Variants in DLGAP2 observed in about 807,000 individuals in gnomAD.
DLGAP2 encodes the protein disks large-associated protein 2.
Under a neutral mutation model 100.3 loss-of-function variants are expected in DLGAP2, and 26 were observed. The observed-to-expected ratio is 0.26, with a 90% confidence interval of 0.19 to 0.36. The LOEUF is 0.36. Among genes scored for constraint, DLGAP2 ranks in the 10% least tolerant of loss-of-function variants. DLGAP2 has a pLI of 1.00. For missense variants in DLGAP2, 1,858 were observed against 1,453.2 expected (o/e 1.28, Z -4.53); for synonymous variants, 886 against 630.1 (o/e 1.41, Z -6.08).
Position 1,707,952 on chromosome 8 carries a change from C to A in DLGAP2, c.*6546C>A, listed in dbSNP as rs1049539864. On this transcript the variant is annotated 3_prime_UTR_variant, in exon 15 of 15. Transcript: ENST00000637795. Reference sequence around the variant, plus strand: ...ATTCTATTTAGTAGCATGCAGGATACCTAATCTGAATGTGCAATATGCTAT... The same window carrying A: ...ATTCTATTTAGTAGCATGCAGGATAACTAATCTGAATGTGCAATATGCTAT... 2.0e-5 allele frequency: 3 copies of A among 152,558 alleles called. No individual in the cohort carries two copies. Among genetic ancestry groups the A allele is most frequent in the African/African-American group, 2.4e-5 (1 of 41,440 alleles). 9.5% of individuals were successfully genotyped at this position (152,558 alleles called of 1,614,324 possible). A position where few individuals can be genotyped will look rare whatever the true frequency, so the allele number is the denominator to read the frequency against.
chr8:1,508,229 T>G (rs1484494533), intron 4 of DLGAP2, among the ~76,000 whole-genome samples: 1 of 150,272 alleles, frequency 6.7e-6, no homozygotes, highest in Non-Finnish European at 1.5e-5. Context: ...ACGCGTCCCA[T>G]TCTGGCCTCC....
chr8:808,345 C>T (rs1359345279), intron 1 of DLGAP2, among the ~76,000 whole-genome samples: 1 of 152,140 alleles, frequency 6.6e-6, no homozygotes, highest in Admixed American at 6.5e-5. Context: ...TAGAAAGATG[C>T]CTGAAGTTCG....
At chr8:1,003,653 G>C (rs1184925621) in intron 2 of DLGAP2, among the ~76,000 whole-genome samples, 1 of 152,204 alleles carries the variant, frequency 6.6e-6, no homozygotes, top group African/African-American at 2.4e-5. Context: ...TGAGCATCTG[G>C]AGATTTGACT....
intron 6 of DLGAP2, among the ~76,000 whole-genome samples, chr8:1,613,570 A>T (rs1487573102): frequency 6.6e-6 from 1 of 152,070 alleles, no homozygotes; most frequent in Non-Finnish European, 1.5e-5. Flanking sequence ...AGAAAAGAAA[A>T]TTGACTTCAA....
intron 5 of DLGAP2, among the ~76,000 whole-genome samples, chr8:1,563,722 G>C (rs1162800498): frequency 6.6e-6 from 1 of 152,070 alleles, no homozygotes; most frequent in Non-Finnish European, 1.5e-5. Context: ...CAATGTGGAA[G>C]ATGTCAGATC....
chr8:1,230,306 C>CAAA (rs1035633562), intron 2 of DLGAP2, among the ~76,000 whole-genome samples: 6 of 151,680 alleles, frequency 4.0e-5, no homozygotes, highest in African/African-American at 1.2e-4. Context: ...ACATCTAACT[C>CAAA]GAAGTGAAAG....
intron 2 of DLGAP2, among the ~76,000 whole-genome samples, chr8:1,147,447 C>T (rs747104597): frequency 1.3e-5 from 2 of 151,782 alleles, no homozygotes; most frequent in East Asian, 1.9e-4. Flanking sequence ...CTGCAAATGC[C>T]AGTTTTATTA....
chr8:1,613,829 G>A (rs1797062387), intron 6 of DLGAP2, among the ~76,000 whole-genome samples: 1 of 152,174 alleles, frequency 6.6e-6, no homozygotes, highest in South Asian at 2.1e-4. Flanking sequence ...GGCCTCCTCT[G>A]TATTCTTTTT....
At chr8:1,042,044 GC>G (rs1166706462) in intron 2 of DLGAP2, among the ~76,000 whole-genome samples, 1 of 152,168 alleles carries the variant, frequency 6.6e-6, no homozygotes, top group East Asian at 1.9e-4. Flanking sequence ...GATTTGCAGA[GC>G]AGAACGGCCA....
Position 1,334,472 on chromosome 8 carries a change from C to T in DLGAP2, c.106+75589C>T, listed in dbSNP as rs948830878. Among the ~76,000 whole-genome samples the T allele has an allele frequency of 9.2e-5, 14 of 152,180 alleles. 1 individual carries two copies. The highest frequency in any genetic ancestry group is 2.7e-4 in the African/African-American group (11 of 41,442). On this transcript the variant is annotated intron_variant, in intron 3 of 14. Transcript: ENST00000637795. ...GGGAACGTGCTGTGGATTTCTCAGG[C>T]CTACTTTTCGTTCCACTAAATCTTC... is the stretch of plus-strand genomic sequence containing the variant.
intron 4 of DLGAP2, among the ~76,000 whole-genome samples, chr8:1,506,470 C>CAGGAGTGAAGCTGCAG (rs1799918723): frequency 6.6e-6 from 1 of 152,146 alleles, no homozygotes; most frequent in Admixed American, 6.5e-5. Flanking sequence ...TCAATGGCCT[C>CAGGAGTGAAGCTGCAG]AGGAGTGAAG....
intron 4 of DLGAP2, among the ~76,000 whole-genome samples, chr8:1,513,744 G>C (rs570580084): frequency 6.6e-6 from 1 of 152,142 alleles, no homozygotes; most frequent in Non-Finnish European, 1.5e-5. Flanking sequence ...TTATAGATGT[G>C]TAAGTTACAA....
intron 2 of DLGAP2, among the ~76,000 whole-genome samples, chr8:1,157,871 T>C (rs1355875180): frequency 6.6e-6 from 1 of 152,246 alleles, no homozygotes; most frequent in Non-Finnish European, 1.5e-5. Flanking sequence ...CTATCTCAGA[T>C]GCTGCCGGTG....
intron 2 of DLGAP2, among the ~76,000 whole-genome samples, chr8:913,587 A>C (rs1421925966): frequency 1.3e-5 from 2 of 152,244 alleles, no homozygotes; most frequent in African/African-American, 4.8e-5. Flanking sequence ...TAGATGTTAC[A>C]TGCCTTTTTA....
chr8:860,492 G>A (rs555634281), intron 1 of DLGAP2, among the ~76,000 whole-genome samples: 3 of 152,246 alleles, frequency 2.0e-5, no homozygotes, highest in Admixed American at 1.3e-4. Context: ...AAATGACTTC[G>A]CTGGGGCCGT....
At chr8:1,605,932 A>G (rs969002129) in intron 6 of DLGAP2, among the ~76,000 whole-genome samples, 2 of 152,268 alleles carry the variant, frequency 1.3e-5, no homozygotes, top group African/African-American at 4.8e-5. Context: ...CTCGTGCTGT[A>G]GAACGTGTCA....
intron 3 of DLGAP2, among the ~76,000 whole-genome samples, chr8:1,480,968 C>G (rs564630218): frequency 1.3e-4 from 19 of 151,948 alleles, no homozygotes; most frequent in Non-Finnish European, 1.5e-4. Context: ...GTCAGGAGAT[C>G]GAGACCATCC....
At chr8:777,710 C>T (rs1293981073) in intron 1 of DLGAP2, among the ~76,000 whole-genome samples, 30 of 152,090 alleles carry the variant, frequency 2.0e-4, no homozygotes, top group Admixed American at 6.5e-4. Flanking sequence ...GGGTTTCTGC[C>T]GAGAGATCCG....
intron 2 of DLGAP2, among the ~76,000 whole-genome samples, chr8:1,091,904 C>T (rs1804195067): frequency 6.6e-6 from 1 of 152,138 alleles, no homozygotes; most frequent in Non-Finnish European, 1.5e-5. Context: ...ACGCACAGCT[C>T]CCCACATCCC....
Sources: allele counts gnomAD v4.1 joint callset (sites outside exome capture counted in the v4.1 genomes callset), GRCh38; gene constraint gnomAD v4.1.1; transcripts MANE v1.5; gene names NCBI Gene and HGNC (gene_info 2026-07-23, HGNC 2026-07-21).